The following CAMK2B variants were observed in gnomAD, a reference collection of about 807,000 sequenced individuals.
CAMK2B encodes the protein calcium/calmodulin-dependent protein kinase type II subunit beta.
In CAMK2B, 27 loss-of-function variants were observed where a neutral mutation model predicts 93.7. The observed-to-expected ratio is 0.29, with a 90% CI of 0.21 to 0.40. The LOEUF (loss-of-function observed/expected upper bound fraction) is 0.40. CAMK2B is among the 10% of genes least tolerant of loss of function. The pLI is 1.00. For synonymous variants in CAMK2B, 374 were observed against 358.8 expected, an observed-to-expected ratio of 1.04 and a Z score of -0.48; for missense variants, 568 against 895.8, an observed-to-expected ratio of 0.63 and a Z score of 4.67.
chr7:44,268,820 A>C (rs937706454), intron 2 of CAMK2B: 2 of 152,310 alleles, frequency 1.3e-5, no homozygotes, highest in Non-Finnish European at 2.9e-5. Flanking sequence ...GTGCAGGAAG[A>C]GACAGGACCG....
intron 5 of CAMK2B, among the ~76,000 whole-genome samples, chr7:44,249,552 G>A (rs2096760627): frequency 6.6e-6 from 1 of 152,174 alleles, no homozygotes; most frequent in African/African-American, 2.4e-5. Flanking sequence ...CTGTCCAACT[G>A]TGTGCACTTT....
intron 1 of CAMK2B, among the ~76,000 whole-genome samples, chr7:44,305,721 G>A (rs1791289886): frequency 6.6e-6 from 1 of 152,230 alleles, no homozygotes. Context: ...GCAGGACCAA[G>A]ACAGGGGCGA....
intron 11 of CAMK2B, 111 bp from the exon 12 acceptor site, chr7:44,240,860 G>A: frequency 1.7e-6 from 2 of 1,154,380 alleles, no homozygotes; most frequent in African/African-American, 1.5e-5. Context: ...TCATTGTCAT[G>A]AGGCTGACAT....
At chr7:44,257,809 C>T (rs2096846999) in intron 4 of CAMK2B, among the ~76,000 whole-genome samples, 1 of 152,284 alleles carries the variant, frequency 6.6e-6, no homozygotes, top group Non-Finnish European at 1.5e-5. Flanking sequence ...GAGGCCTCCT[C>T]AGGCCTACAT....
rs1785095346 is a variant in CAMK2B, at chr7:44,286,347, T to C, written c.66-2122A>G. 6.6e-6 allele frequency among the ~76,000 whole-genome samples: 1 copy of C among 152,054 alleles called. No individual in the cohort carries two copies. Among genetic ancestry groups the C allele is most frequent in the South Asian group, 2.1e-4 (1 of 4,810 alleles). On this transcript the variant is annotated intron_variant, in intron 1 of 23. Coordinates refer to ENST00000395749, the MANE Select transcript of CAMK2B (RefSeq NM_001220.5). This position sits in a 1 kb window ranked among gnomAD's most constrained non-coding sequence, Gnocchi z 4.0. The stretch of plus-strand genomic sequence containing the variant: ...CTGAAGGGAGCAGGGAGTCTGGGCC[T>C]CCGTGCGCCAGAACGCAACCACACA...
chr7:44,276,428 C>A (rs2097042724), intron 2 of CAMK2B, among the ~76,000 whole-genome samples: 1 of 152,102 alleles, frequency 6.6e-6, no homozygotes, highest in Non-Finnish European at 1.5e-5. Context: ...GAGGCAGCAC[C>A]CCCCCGCCAC....
chr7:44,292,662 A>G (rs1160843999), intron 1 of CAMK2B, among the ~76,000 whole-genome samples: 1 of 152,124 alleles, frequency 6.6e-6, no homozygotes, highest in African/African-American at 2.4e-5. Flanking sequence ...CCAAGAAGGG[A>G]GTATGAGGTG....
At chr7:44,264,678 C>T (rs2096908156) in intron 2 of CAMK2B, among the ~76,000 whole-genome samples, 1 of 152,190 alleles carries the variant, frequency 6.6e-6, no homozygotes, top group East Asian at 1.9e-4. Context: ...GCAAGCACTG[C>T]ACGGTCTTCC....
At chr7:44,263,198 G>C in intron 2 of CAMK2B, 134 bp from the exon 3 acceptor site, 1 of 753,624 alleles carries the variant, frequency 1.3e-6, no homozygotes, top group East Asian at 2.7e-5. Flanking sequence ...CCCACCAAGG[G>C]AACACCCTTC....
In CAMK2B at chr7:44,220,053, C is replaced by T; in HGVS notation, c.*2+7G>A. 1 of 1,563,764 alleles carries T rather than the reference C, an allele frequency of 6.4e-7. No individual in the cohort carries two copies. The highest frequency in any genetic ancestry group is 8.6e-7 in the Non-Finnish European group (1 of 1,158,732). Reference sequence around the variant, plus strand: ...GCCCCAGCTGTCACTTAGCACAGAACACTCACCTTCACTGCAGCGGGGCCA... The same window carrying T: ...GCCCCAGCTGTCACTTAGCACAGAATACTCACCTTCACTGCAGCGGGGCCA... On this transcript the variant is annotated splice_region_variant and intron_variant, in intron 23 of 23. Coordinates refer to ENST00000395749, the MANE Select transcript of CAMK2B (RefSeq NM_001220.5).
chr7:44,230,905 G>A (rs1368783156), intron 17 of CAMK2B, 101 bp downstream of exon 17: 14 of 970,860 alleles, frequency 1.4e-5, no homozygotes, highest in Non-Finnish European at 1.7e-5. Flanking sequence ...GCATAAACTA[G>A]GCGTCGCAGG....
chr7:44,230,150 T>C (rs1048506182), intron 17 of CAMK2B: 1 of 152,254 alleles, frequency 6.6e-6, no homozygotes, highest in Non-Finnish European at 1.5e-5. Context: ...GCTGTTGCCT[T>C]TGGGGCCTGT....
chr7:44,274,749 G>A (rs1468693313), intron 2 of CAMK2B, among the ~76,000 whole-genome samples: 1 of 152,234 alleles, frequency 6.6e-6, no homozygotes, highest in Non-Finnish European at 1.5e-5. Flanking sequence ...GGGGCGGTGA[G>A]CAGGAAGGAC....
intron 1 of CAMK2B, among the ~76,000 whole-genome samples, chr7:44,320,387 G>C (rs1795796551): frequency 6.6e-6 from 1 of 152,154 alleles, no homozygotes; most frequent in African/African-American, 2.4e-5. Context: ...ACAGAATAGA[G>C]TAGGGTAATG....
intron 5 of CAMK2B, among the ~76,000 whole-genome samples, chr7:44,250,775 G>T (rs575028177): frequency 6.6e-6 from 1 of 152,138 alleles, no homozygotes; most frequent in African/African-American, 2.4e-5. Context: ...TGATCCGCCC[G>T]CCTCGGCCTC....
At chr7:44,314,234 A>C (rs1794299861) in intron 1 of CAMK2B, among the ~76,000 whole-genome samples, 1 of 152,252 alleles carries the variant, frequency 6.6e-6, no homozygotes, top group South Asian at 2.1e-4. Flanking sequence ...ATCTAAGTTT[A>C]TAACATTTTC....
intron 2 of CAMK2B, among the ~76,000 whole-genome samples, chr7:44,275,726 G>C (rs946642325): frequency 1.6e-4 from 25 of 152,150 alleles, no homozygotes; most frequent in Admixed American, 9.2e-4. Flanking sequence ...GCCTAGCCTC[G>C]TTCCTTCATT....
chr7:44,298,631 C>A (rs1788985878), intron 1 of CAMK2B, among the ~76,000 whole-genome samples: 1 of 152,140 alleles, frequency 6.6e-6, no homozygotes, highest in African/African-American at 2.4e-5. Flanking sequence ...TTGCAATTCA[C>A]CTATCTGATG....
intron 1 of CAMK2B, among the ~76,000 whole-genome samples, chr7:44,289,975 C>T (rs959144293): frequency 1.3e-5 from 2 of 152,234 alleles, no homozygotes; most frequent in Admixed American, 1.3e-4. Flanking sequence ...GTGCTGGGGC[C>T]TGTGCCACCC....
Sources: allele counts gnomAD v4.1 joint callset (sites outside exome capture counted in the v4.1 genomes callset), GRCh38; gene constraint gnomAD v4.1.1; non-coding constraint Gnocchi (gnomAD v3.1); transcripts MANE v1.5; gene names NCBI Gene and HGNC (gene_info 2026-07-23, HGNC 2026-07-21).